GLIS3: variants seen among roughly 807,000 people sequenced by gnomAD.
GLIS3 encodes the protein GLIS family zinc finger 3.
A neutral mutation model predicts 78.6 loss-of-function variants in GLIS3; 53 were observed. That is an observed-to-expected ratio of 0.67 (90% CI 0.54 to 0.85). The LOEUF (loss-of-function observed/expected upper bound fraction) is 0.85. Ranked by LOEUF, GLIS3 falls within the 40% of genes least tolerant of loss-of-function variation. The pLI is 0.00. For missense variants in GLIS3, 1,703 were observed against 1,231.1 expected (o/e 1.38, Z -5.74); for synonymous variants, 684 against 509.9 (o/e 1.34, Z -4.60).
chr9:4,297,944 C>T (rs750914079), intron 1 of GLIS3, among the ~76,000 whole-genome samples: 58 of 141,172 alleles, frequency 4.1e-4, no homozygotes, highest in Admixed American at 6.2e-4. Flanking sequence ...GAGCTAGGGG[C>T]GGGTCCGGAG....
intron 4 of GLIS3, among the ~76,000 whole-genome samples, chr9:4,007,607 C>G (rs1287603356): frequency 1.3e-5 from 2 of 152,032 alleles, no homozygotes; most frequent in Non-Finnish European, 2.9e-5. Flanking sequence ...CCAAAATAAT[C>G]CACATCTGAT....
the GLIS3 span, among the ~76,000 whole-genome samples, chr9:4,440,990 G>A: frequency 2.0e-5 from 3 of 151,208 alleles, no homozygotes; most frequent in African/African-American, 4.9e-5. Context: ...CCTGATTTTT[G>A]TGTGTTGATT....
chr9:4,058,705 G>T (rs1385942259), intron 4 of GLIS3, among the ~76,000 whole-genome samples: 1 of 152,178 alleles, frequency 6.6e-6, no homozygotes, highest in Non-Finnish European at 1.5e-5. Context: ...GAACCATAGA[G>T]TGCGGTAGCT....
intron 4 of GLIS3, among the ~76,000 whole-genome samples, chr9:3,965,444 T>A (rs891862432): frequency 5.3e-5 from 8 of 152,184 alleles, no homozygotes; most frequent in African/African-American, 1.9e-4. Context: ...TCTGCCCGCC[T>A]CAGCCTCCCA....
chr9:4,068,420 C>G (rs150678885), intron 4 of GLIS3, among the ~76,000 whole-genome samples: 23 of 152,000 alleles, frequency 1.5e-4, no homozygotes, highest in Non-Finnish European at 2.6e-4. Flanking sequence ...AGATTTATAA[C>G]TTCCAAGTTG....
chr9:4,029,372 C>T (rs1306776357), intron 4 of GLIS3, among the ~76,000 whole-genome samples: 2 of 151,556 alleles, frequency 1.3e-5, no homozygotes, highest in Non-Finnish European at 2.9e-5. Context: ...ACATGAGATG[C>T]GTTGATACAG....
At chr9:3,972,539 C>G (rs183073367) in intron 4 of GLIS3, among the ~76,000 whole-genome samples, 6 of 152,068 alleles carry the variant, frequency 3.9e-5, no homozygotes, top group Non-Finnish European at 8.8e-5. Flanking sequence ...GGTTTCTTGA[C>G]TGTAGTTTCA....
Position 4,059,856 on chromosome 9 carries a change from G to A in GLIS3, c.1710+57912C>T, listed in dbSNP as rs998764946. Among the ~76,000 whole-genome samples the A allele has an allele frequency of 4.3e-4, 65 of 151,444 alleles. 1 individual carries two copies. Among genetic ancestry groups the A allele is most frequent in the African/African-American group, 1.5e-3 (64 of 41,362 alleles). Reference sequence around the variant, plus strand: ...AGAGAGAGAGAGAGAGAGAGAGAGAGAGAGAGAGAGAAAGAGAGAGACTGG... The same window carrying A: ...AGAGAGAGAGAGAGAGAGAGAGAGAAAGAGAGAGAGAAAGAGAGAGACTGG... On this transcript the variant is annotated intron_variant, in intron 4 of 10. Transcript: ENST00000381971.
At chr9:4,090,599 A>G (rs529487427) in intron 4 of GLIS3, among the ~76,000 whole-genome samples, 1 of 152,316 alleles carries the variant, frequency 6.6e-6, no homozygotes, top group South Asian at 2.1e-4. Context: ...CCAACTGGAA[A>G]CGCTCAGGGT....
the GLIS3 span, among the ~76,000 whole-genome samples, chr9:4,385,536 G>A: frequency 5.9e-5 from 9 of 151,848 alleles, no homozygotes; most frequent in Non-Finnish European, 1.2e-4. Flanking sequence ...GTAGTGATGG[G>A]CACCTGTAAT....
chr9:4,098,366 G>A (rs10974331), intron 4 of GLIS3, among the ~76,000 whole-genome samples: 4,043 of 152,252 alleles, frequency 0.027, 190 homozygotes, highest in African/African-American at 0.093. Flanking sequence ...ATAATGAATG[G>A]AGGAGTAGAA....
intron 2 of GLIS3, among the ~76,000 whole-genome samples, chr9:4,312,166 T>TTTTA (rs1817371876): frequency 6.6e-6 from 1 of 152,134 alleles, no homozygotes; most frequent in Admixed American, 6.5e-5. Context: ...TTTGTTTTTT[T>TTTTA]AAAAGAAAGA....
chr9:4,234,375 T>C (rs2131374648), intron 2 of GLIS3, among the ~76,000 whole-genome samples: 1 of 152,326 alleles, frequency 6.6e-6, no homozygotes, highest in Non-Finnish European at 1.5e-5. Context: ...ATTTCAATAC[T>C]GCTGTGTTTT....
At position 3,829,310 on chromosome 9, in the gene GLIS3, CTGT is replaced by C. The variant is rs1186351968; in HGVS notation, c.2653_2655del (p.Thr885del). The C allele has an allele frequency of 6.2e-7, 1 of 1,613,678 alleles. No homozygotes were observed. Among genetic ancestry groups the C allele is most frequent in the East Asian group, 2.2e-5 (1 of 44,848 alleles). On this transcript the variant is annotated inframe_deletion and splice_region_variant, in exon 10 of 11. Coordinates refer to ENST00000381971, the MANE Select transcript of GLIS3 (RefSeq NM_001042413.2). ...TCTAAGTCACAGACAACCAACACACCTGTAATGCCCGAGTGAGTCGAGAAGGCT... is the reference window on the plus strand; with the variant it reads ...TCTAAGTCACAGACAACCAACACACCAATGCCCGAGTGAGTCGAGAAGGCT...
chr9:4,428,333 G>A, the GLIS3 span, among the ~76,000 whole-genome samples: 9 of 151,782 alleles, frequency 5.9e-5, no homozygotes, highest in East Asian at 9.7e-4. Flanking sequence ...ACAAAAATTA[G>A]CCAGGCTTGG....
chr9:4,303,651 C>A (rs1381751128), upstream of GLIS3, among the ~76,000 whole-genome samples: 1 of 151,558 alleles, frequency 6.6e-6, no homozygotes, highest in African/African-American at 2.4e-5. Context: ...TGTGTCAGAC[C>A]AAATGCAACT....
At chr9:4,260,219 T>A (rs1366067499) in intron 2 of GLIS3, among the ~76,000 whole-genome samples, 2 of 152,006 alleles carry the variant, frequency 1.3e-5, no homozygotes, top group Admixed American at 1.3e-4. Flanking sequence ...GATCACAAGG[T>A]CAAGAGATTG....
chr9:4,372,322 G>C, the GLIS3 span, among the ~76,000 whole-genome samples: 2 of 152,078 alleles, frequency 1.3e-5, no homozygotes, highest in South Asian at 2.1e-4. Context: ...ATTAATCATT[G>C]ATTTTATTTT....
chr9:4,244,701 A>C (rs1439052297), intron 2 of GLIS3, among the ~76,000 whole-genome samples: 1 of 151,982 alleles, frequency 6.6e-6, no homozygotes, highest in Non-Finnish European at 1.5e-5. Flanking sequence ...CAACCTCCTG[A>C]GTAGCTGGGA....
Sources: gnomAD v4.1 joint callset for allele counts (sites outside exome capture counted in the v4.1 genomes callset) on GRCh38, gnomAD v4.1.1 for gene constraint, MANE v1.5 for transcripts, NCBI Gene and HGNC (gene_info 2026-07-23, HGNC 2026-07-21) for gene names.